The following RNF217 variants were observed in gnomAD, a reference collection of about 807,000 sequenced individuals.
The protein encoded by RNF217 is E3 ubiquitin-protein ligase RNF217.
In RNF217, 31 loss-of-function variants were observed where a neutral mutation model predicts 57.8. The ratio of observed to expected loss-of-function variants is 0.54; its 90% CI spans 0.40 to 0.72. The LOEUF is 0.72. Among genes scored for constraint, RNF217 ranks in the 30% least tolerant of loss-of-function variants. RNF217 has a pLI of 0.00. For synonymous variants in RNF217, 313 were observed against 294.0 expected (o/e 1.06, Z -0.66); for missense variants, 696 against 708.3 (o/e 0.98, Z 0.20).
At chr6:125,076,565 A>AG in intron 3 of RNF217, 92 bp from the exon 4 acceptor site, 2 of 759,714 alleles carry the variant, frequency 2.6e-6, no homozygotes, top group Non-Finnish European at 4.6e-6. Context: ...ATTTTGGTGA[A>AG]ACTGGTAAGT....
intron 1 of RNF217, among the ~76,000 whole-genome samples, chr6:125,010,363 A>T (rs1466742541): frequency 6.6e-6 from 1 of 152,134 alleles, no homozygotes; most frequent in Non-Finnish European, 1.5e-5. Flanking sequence ...TCTCATTATA[A>T]TGTGCTTTTT....
rs201070145 is a variant in RNF217 at position 125,016,745 on chromosome 6, G to T, written c.883-28466G>T. Among the ~76,000 whole-genome samples the T allele has an allele frequency of 5.3e-5, 8 of 151,688 alleles. No individual in the cohort carries two copies. The East Asian group carries it at 1.6e-3, about 29-fold the overall frequency. On this transcript the variant is annotated intron_variant, in intron 1 of 5. Coordinates refer to ENST00000521654, the MANE Select transcript of RNF217 (RefSeq NM_001286398.3). ...TGGGAGCTGAACAATGACAACACGT[G>T]GACACAGGGAGGGGAACATCACACA...
At chr6:125,057,363 G>A (rs530908827) in intron 2 of RNF217, among the ~76,000 whole-genome samples, 4 of 151,994 alleles carry the variant, frequency 2.6e-5, no homozygotes, top group Admixed American at 6.6e-5. Flanking sequence ...TATATTTTTC[G>A]TAGAGATGGG....
At chr6:125,015,770 A>G (rs1785577075) in intron 1 of RNF217, among the ~76,000 whole-genome samples, 1 of 152,130 alleles carries the variant, frequency 6.6e-6, no homozygotes, top group African/African-American at 2.4e-5. Flanking sequence ...TAATTCACAC[A>G]CATATGTAAC....
chr6:125,042,503 AT>A (rs559488679), intron 1 of RNF217, among the ~76,000 whole-genome samples: 368 of 152,170 alleles, frequency 2.4e-3, no homozygotes, highest in African/African-American at 8.4e-3. Flanking sequence ...TAGGATAGGG[AT>A]TTTGGAGCCT....
chr6:124,991,056 CAGAG>C (rs955492479), intron 1 of RNF217, among the ~76,000 whole-genome samples: 20 of 152,126 alleles, frequency 1.3e-4, no homozygotes, highest in Non-Finnish European at 2.6e-4. Context: ...ACAGTGAAGC[CAGAG>C]AGATCATTTA....
chr6:124,977,927 C>G (rs1784026481), intron 1 of RNF217, among the ~76,000 whole-genome samples: 1 of 152,082 alleles, frequency 6.6e-6, no homozygotes. Flanking sequence ...TGTGGTCAAA[C>G]CTTGGTAGAT....
chr6:125,001,772 T>G (rs973492386), intron 1 of RNF217, among the ~76,000 whole-genome samples: 1 of 152,220 alleles, frequency 6.6e-6, no homozygotes, highest in Non-Finnish European at 1.5e-5. Context: ...TGATTTTGTA[T>G]TATTTGTGCT....
chr6:125,001,980 A>G (rs1224081580), intron 1 of RNF217, among the ~76,000 whole-genome samples: 2 of 152,178 alleles, frequency 1.3e-5, no homozygotes, highest in East Asian at 1.9e-4. Context: ...TAATTTCTCC[A>G]CGTGTATTTT....
At chr6:124,988,899 C>G (rs1490541710) in intron 1 of RNF217, among the ~76,000 whole-genome samples, 1 of 152,118 alleles carries the variant, frequency 6.6e-6, no homozygotes, top group Non-Finnish European at 1.5e-5. Context: ...TGTAAAGAGC[C>G]AAGGAAAACA....
At chr6:125,025,442 A>G (rs1421004041) in intron 1 of RNF217, among the ~76,000 whole-genome samples, 2 of 152,094 alleles carry the variant, frequency 1.3e-5, no homozygotes, top group Middle Eastern at 3.2e-3. Flanking sequence ...AAGTTAGCAG[A>G]GGGAGGTGAG....
chr6:125,023,087 G>A (rs1352703157), intron 1 of RNF217, among the ~76,000 whole-genome samples: 1 of 152,086 alleles, frequency 6.6e-6, no homozygotes. Flanking sequence ...AAAAATGACA[G>A]GAATAAGCAC....
rs139904922 is a variant in RNF217, at chr6:124,972,515, G to A, written c.882+9089G>A. ...TAGATTAGAATTTAAACTTTATAAC[G>A]GTATCTCATGTCCCTGTGCATTCTG... is the stretch of plus-strand genomic sequence containing the variant. On this transcript the variant is annotated intron_variant, in intron 1 of 5. Transcript: ENST00000521654. Among the ~76,000 whole-genome samples the A allele has an allele frequency of 1.6e-3, 247 of 152,194 alleles. 2 individuals are homozygous for A. The highest frequency in any genetic ancestry group is 5.2e-3 in the African/African-American group (214 of 41,522).
rs79779196 is a variant in RNF217, at chr6:125,054,869, C to A, written c.1117-3073C>A. ...GGTGATGCTGATGTTTCTGGCCCTG[C>A]AACCACACTTTGAGCCACAAGGACA... is the stretch of plus-strand genomic sequence containing the variant. On this transcript the variant is annotated intron_variant, in intron 2 of 5. Transcript: ENST00000521654. Among the ~76,000 whole-genome samples the A allele has an allele frequency of 7.5e-3, 1,145 of 152,286 alleles. 13 individuals are homozygous for A. Among genetic ancestry groups the A allele is most frequent in the African/African-American group, 0.025 (1,059 of 41,582 alleles).
chr6:125,023,854 T>C (rs1785955945), intron 1 of RNF217, among the ~76,000 whole-genome samples: 1 of 152,138 alleles, frequency 6.6e-6, no homozygotes, highest in South Asian at 2.1e-4. Context: ...TCCCCCTTTA[T>C]ATATGGAATC....
intron 1 of RNF217, among the ~76,000 whole-genome samples, chr6:124,996,241 G>A (rs1325655580): frequency 6.6e-6 from 1 of 152,002 alleles, no homozygotes; most frequent in Non-Finnish European, 1.5e-5. Flanking sequence ...TCATGATTTT[G>A]TGTGTTCATT....
intron 1 of RNF217, among the ~76,000 whole-genome samples, chr6:124,989,854 T>C (rs1055688223): frequency 1.3e-4 from 19 of 147,952 alleles, no homozygotes; most frequent in Non-Finnish European, 2.6e-4. Flanking sequence ...CCAGCTGTTA[T>C]TGTTCTCTGC....
chr6:125,068,792 A>T (rs1275911985), intron 3 of RNF217, among the ~76,000 whole-genome samples: 1 of 152,216 alleles, frequency 6.6e-6, no homozygotes, highest in Non-Finnish European at 1.5e-5. Flanking sequence ...CAGTCAGCTT[A>T]GGAGGAATTG....
At chr6:124,963,913 T>C (rs1251433353) in intron 1 of RNF217, among the ~76,000 whole-genome samples, 1 of 152,250 alleles carries the variant, frequency 6.6e-6, no homozygotes, top group Non-Finnish European at 1.5e-5. Flanking sequence ...TTTAAAAAAA[T>C]GTATCCCTTG....
Sources: gnomAD v4.1 joint callset for allele counts (sites outside exome capture counted in the v4.1 genomes callset) on GRCh38, gnomAD v4.1.1 for gene constraint, MANE v1.5 for transcripts, NCBI Gene and HGNC (gene_info 2026-07-23, HGNC 2026-07-21) for gene names.